KHDRBS3: variants seen among roughly 807,000 people sequenced by gnomAD.
KHDRBS3 encodes KH RNA binding domain containing, signal transduction associated 3, also known as KH domain-containing, RNA-binding, signal transduction-associated protein 3.
Under a neutral mutation model 45.6 loss-of-function variants are expected in KHDRBS3, and 23 were observed. That is an observed-to-expected ratio of 0.50 (90% CI 0.36 to 0.72). The LOEUF is 0.72. Ranked by LOEUF, KHDRBS3 falls within the 30% of genes least tolerant of loss-of-function variation. KHDRBS3 has a pLI of 0.00. For synonymous variants in KHDRBS3, 162 were observed against 156.5 expected (o/e 1.04, Z -0.26); for missense variants, 352 against 424.8 (o/e 0.83, Z 1.51).
intron 2 of KHDRBS3, among the ~76,000 whole-genome samples, chr8:135,535,335 A>G (rs1258042113): frequency 1.4e-5 from 1 of 70,638 alleles, no homozygotes. Context: ...ATATAGTTAA[A>G]CTATATATAA....
At chr8:135,633,588 A>G (rs1332129646) in intron 7 of KHDRBS3, among the ~76,000 whole-genome samples, 1 of 152,244 alleles carries the variant, frequency 6.6e-6, no homozygotes, top group African/African-American at 2.4e-5. Context: ...ACTGTTAAGT[A>G]TTTAAATAAA....
intron 5 of KHDRBS3, among the ~76,000 whole-genome samples, chr8:135,560,654 G>T (rs1827125249): frequency 6.6e-6 from 1 of 152,152 alleles, no homozygotes; most frequent in South Asian, 2.1e-4. Context: ...ACAGTACCTG[G>T]ACAGATACCT....
chr8:135,462,093 G>T (rs1381429307), intron 1 of KHDRBS3, among the ~76,000 whole-genome samples: 1 of 147,034 alleles, frequency 6.8e-6, no homozygotes, highest in Non-Finnish European at 1.5e-5. Context: ...TCACAGACTT[G>T]TAAAGTAGAG....
intron 1 of KHDRBS3, among the ~76,000 whole-genome samples, chr8:135,519,602 C>T (rs1020404051): frequency 6.6e-6 from 1 of 152,142 alleles, no homozygotes; most frequent in African/African-American, 2.4e-5. Flanking sequence ...AGAACCAAAT[C>T]GTTGGATATT....
chr8:135,536,251 T>TG (rs1825748457), intron 2 of KHDRBS3, among the ~76,000 whole-genome samples: 1 of 131,172 alleles, frequency 7.6e-6, no homozygotes, highest in African/African-American at 3.5e-5. Context: ...TTTTTTTTTT[T>TG]TTTTTTTTTT....
At chr8:135,491,119 A>G (rs1354637755) in intron 1 of KHDRBS3, among the ~76,000 whole-genome samples, 1 of 152,056 alleles carries the variant, frequency 6.6e-6, no homozygotes, top group Non-Finnish European at 1.5e-5. Context: ...ATGCTTTCTT[A>G]TTTTGTACTG....
intron 5 of KHDRBS3, among the ~76,000 whole-genome samples, chr8:135,580,366 A>G (rs1828143807): frequency 6.6e-6 from 1 of 152,226 alleles, no homozygotes; most frequent in East Asian, 1.9e-4. Context: ...CATTGAAACC[A>G]TATGGAGTTG....
chr8:135,616,677 G>A (rs1477010674), intron 7 of KHDRBS3, among the ~76,000 whole-genome samples: 1 of 152,094 alleles, frequency 6.6e-6, no homozygotes, highest in Non-Finnish European at 1.5e-5. Flanking sequence ...ACATACCAGG[G>A]AAGCAGGTTC....
chr8:135,470,875 C>G (rs1821982471), intron 1 of KHDRBS3, among the ~76,000 whole-genome samples: 1 of 152,232 alleles, frequency 6.6e-6, no homozygotes, highest in Non-Finnish European at 1.5e-5. Context: ...CGTGAGCCAC[C>G]CCGCCCAGCT....
At chr8:135,466,865 G>A (rs1440245800) in intron 1 of KHDRBS3, among the ~76,000 whole-genome samples, 1 of 152,204 alleles carries the variant, frequency 6.6e-6, no homozygotes, top group Non-Finnish European at 1.5e-5. Flanking sequence ...GAATTGCTGA[G>A]TTGACCTGTG....
rs536380725 is a variant in KHDRBS3 at position 135,529,892 on chromosome 8, CA to C, written c.207+8546del. Reference sequence around the variant, plus strand: ...TGAAACCCTGTCTCTACTAAAAATACAAAAAAAAATTAGCCAGGCGTGGTGG... The same window carrying C: ...TGAAACCCTGTCTCTACTAAAAATACAAAAAAAATTAGCCAGGCGTGGTGG... On this transcript the variant is annotated intron_variant, in intron 2 of 8. Coordinates refer to ENST00000355849, the MANE Select transcript of KHDRBS3 (RefSeq NM_006558.3). 3.9e-3 allele frequency among the ~76,000 whole-genome samples: 581 copies of C among 150,380 alleles called. 8 individuals carry two copies. Among genetic ancestry groups the C allele is most frequent in the African/African-American group, 0.013 (532 of 41,090 alleles).
chr8:135,638,166 A>C (rs1320915939), intron 7 of KHDRBS3, among the ~76,000 whole-genome samples: 1 of 152,242 alleles, frequency 6.6e-6, no homozygotes, highest in Non-Finnish European at 1.5e-5. Context: ...GGGTGTTCTC[A>C]TAACTGATTG....
intron 5 of KHDRBS3, among the ~76,000 whole-genome samples, chr8:135,580,958 T>C (rs1283134495): frequency 6.6e-6 from 1 of 152,202 alleles, no homozygotes; most frequent in East Asian, 1.9e-4. Flanking sequence ...TTTTTTTTTC[T>C]CTTTAGCCTG....
intron 1 of KHDRBS3, among the ~76,000 whole-genome samples, chr8:135,464,314 G>C (rs1821585847): frequency 6.6e-6 from 1 of 152,150 alleles, no homozygotes; most frequent in Non-Finnish European, 1.5e-5. Flanking sequence ...GCAGTCTTCA[G>C]TAGGCATTCA....
In KHDRBS3 at chr8:135,611,533, A is replaced by G. The variant is rs139320237; in HGVS notation, c.890+4496A>G. Among the ~76,000 whole-genome samples, 120 of 151,928 alleles carry G rather than the reference A, an allele frequency of 7.9e-4. 2 individuals are homozygous for G. The highest frequency in any genetic ancestry group is 2.7e-3 in the African/African-American group (112 of 41,214). On this transcript the variant is annotated intron_variant, in intron 7 of 8. Coordinates refer to ENST00000355849, the MANE Select transcript of KHDRBS3 (RefSeq NM_006558.3). Reference sequence around the variant, plus strand: ...TGGGGCTGCCATAATAAAACGCTCCAGTCTTCTTAAGTCCTCTCTCCCGGG... The same window carrying G: ...TGGGGCTGCCATAATAAAACGCTCCGGTCTTCTTAAGTCCTCTCTCCCGGG...
chr8:135,603,723 A>G (rs1243093311), intron 6 of KHDRBS3, among the ~76,000 whole-genome samples: 2 of 152,126 alleles, frequency 1.3e-5, no homozygotes, highest in African/African-American at 4.8e-5. Context: ...AGACAGCACC[A>G]TCCCTTCATA....
chr8:135,575,831 T>C (rs1827923204), intron 5 of KHDRBS3, among the ~76,000 whole-genome samples: 2 of 152,238 alleles, frequency 1.3e-5, no homozygotes, highest in African/African-American at 2.4e-5. Flanking sequence ...TTAACTATTA[T>C]TGACAATACT....
intron 6 of KHDRBS3, among the ~76,000 whole-genome samples, chr8:135,600,687 G>A (rs569582809): frequency 6.6e-6 from 1 of 152,330 alleles, no homozygotes; most frequent in African/African-American, 2.4e-5. Context: ...ACATAGGGAT[G>A]CGTTATATAT....
At chr8:135,620,248 T>C (rs1830082579) in intron 7 of KHDRBS3, among the ~76,000 whole-genome samples, 1 of 152,094 alleles carries the variant, frequency 6.6e-6, no homozygotes, top group Admixed American at 6.6e-5. Flanking sequence ...CTTTACTCTT[T>C]AATGTTCATA....
Sources: gnomAD v4.1 joint callset for allele counts (sites outside exome capture counted in the v4.1 genomes callset) on GRCh38, gnomAD v4.1.1 for gene constraint, MANE v1.5 for transcripts, NCBI Gene and HGNC (gene_info 2026-07-23, HGNC 2026-07-21) for gene names.